The following PDZRN3 variants were observed in gnomAD, a reference collection of about 807,000 sequenced individuals.
PDZRN3 encodes E3 ubiquitin-protein ligase PDZRN3.
A neutral mutation model predicts 85.7 loss-of-function variants in PDZRN3; 38 were observed. The observed-to-expected ratio is 0.44, with a 90% CI of 0.34 to 0.58. The LOEUF is 0.58. PDZRN3 is among the 20% of genes least tolerant of loss of function. The pLI, the probability that PDZRN3 is intolerant of heterozygous loss-of-function variation, is 0.01. For missense variants in PDZRN3, 1,629 were observed against 1,506.4 expected, an observed-to-expected ratio of 1.08 and a Z score of -1.35; for synonymous variants, 759 against 638.0, an observed-to-expected ratio of 1.19 and a Z score of -2.86.
intron 3 of PDZRN3, among the ~76,000 whole-genome samples, chr3:73,420,672 A>G (rs1476613102): frequency 6.6e-6 from 1 of 152,072 alleles, no homozygotes. Context: ...GAGACTTTCA[A>G]CCCATAAAGA....
At chr3:73,493,030 C>G (rs1015260718) in intron 3 of PDZRN3, among the ~76,000 whole-genome samples, 3 of 114,290 alleles carry the variant, frequency 2.6e-5, no homozygotes, top group Admixed American at 1.2e-4. Flanking sequence ...GGAGACTCTT[C>G]CCTTATGTGA....
chr3:73,570,974 A>C (rs1336474117), intron 3 of PDZRN3, among the ~76,000 whole-genome samples: 1 of 152,194 alleles, frequency 6.6e-6, no homozygotes, highest in Non-Finnish European at 1.5e-5. Flanking sequence ...GCACAAGATA[A>C]AGAGAAGAGA....
chr3:73,582,503 T>A (rs940129113), intron 3 of PDZRN3, among the ~76,000 whole-genome samples: 5 of 151,452 alleles, frequency 3.3e-5, no homozygotes, highest in South Asian at 4.2e-4. Context: ...AATGTATATT[T>A]TATATATATA....
chr3:73,557,325 G>T (rs909109503), intron 3 of PDZRN3, among the ~76,000 whole-genome samples: 1 of 152,206 alleles, frequency 6.6e-6, no homozygotes, highest in African/African-American at 2.4e-5. Flanking sequence ...TCTGTGGGGT[G>T]TGTCATATTA....
At chr3:73,495,720 C>A (rs959667179) in intron 3 of PDZRN3, among the ~76,000 whole-genome samples, 1 of 138,638 alleles carries the variant, frequency 7.2e-6, no homozygotes, top group Non-Finnish European at 1.7e-5. Context: ...GCTCACGTTT[C>A]CAGTGTTATA....
At chr3:73,443,592 C>T (rs907191958) in intron 3 of PDZRN3, among the ~76,000 whole-genome samples, 4 of 149,304 alleles carry the variant, frequency 2.7e-5, no homozygotes, top group African/African-American at 1.0e-4. Context: ...CTCAAGCTAT[C>T]CTCCTGCCTC....
At position 73,530,106 on chromosome 3, in the gene PDZRN3, G is replaced by A. The variant is rs149872838; in HGVS notation, c.918+72248C>T. On this transcript the variant is annotated intron_variant, in intron 3 of 9. Coordinates refer to ENST00000263666, the MANE Select transcript of PDZRN3 (RefSeq NM_015009.3). ...AACCATTACGAAAGCCCAGTGCAAA[G>A]CCACAGAACAAAAATTCCCATCGCA... Among the ~76,000 whole-genome samples the A allele has an allele frequency of 6.7e-4, 102 of 152,218 alleles. 1 individual carries two copies. Among genetic ancestry groups the A allele is most frequent in the African/African-American group, 2.4e-3 (98 of 41,546 alleles).
chr3:73,542,947 C>T (rs1383342944), intron 3 of PDZRN3, among the ~76,000 whole-genome samples: 1 of 152,172 alleles, frequency 6.6e-6, no homozygotes, highest in Admixed American at 6.5e-5. Flanking sequence ...GAGTTTGCCA[C>T]AGCAAAAGAT....
At chr3:73,501,125 G>C (rs888006287) in intron 3 of PDZRN3, among the ~76,000 whole-genome samples, 1 of 152,132 alleles carries the variant, frequency 6.6e-6, no homozygotes, top group Non-Finnish European at 1.5e-5. Context: ...ATAAACTCTT[G>C]CTAACATTTG....
intron 3 of PDZRN3, among the ~76,000 whole-genome samples, chr3:73,589,077 T>A (rs564186388): frequency 6.6e-6 from 1 of 151,258 alleles, no homozygotes; most frequent in African/African-American, 2.4e-5. Context: ...AGACAGAGTC[T>A]CGTTCTGTCC....
At chr3:73,563,011 A>ATTTTT (rs1559739770) in intron 3 of PDZRN3, among the ~76,000 whole-genome samples, 1 of 38,214 alleles carries the variant, frequency 2.6e-5, no homozygotes, top group African/African-American at 1.3e-4. Context: ...ATATATATAT[A>ATTTTT]TATTTTTTTT....
intron 3 of PDZRN3, among the ~76,000 whole-genome samples, chr3:73,422,375 G>T (rs1048950297): frequency 6.6e-6 from 1 of 152,092 alleles, no homozygotes; most frequent in Admixed American, 6.5e-5. Context: ...AATAATAACT[G>T]TATCTATACT....
At chr3:73,547,681 G>A (rs931610088) in intron 3 of PDZRN3, among the ~76,000 whole-genome samples, 9 of 152,220 alleles carry the variant, frequency 5.9e-5, no homozygotes, top group Non-Finnish European at 8.8e-5. Flanking sequence ...TCACTGTCAC[G>A]TGGGGTGTAA....
chr3:73,452,839 C>CTGTGTGTGTGTGTGTGTGTGTGTG lies in PDZRN3; in HGVS notation c.919-48468_919-48445dup, dbSNP rs35308043. Among the ~76,000 whole-genome samples the CTGTGTGTGTGTGTGTGTGTGTGTG allele has an allele frequency of 6.8e-3, 960 of 140,670 alleles. 6 individuals carry two copies. Among genetic ancestry groups the CTGTGTGTGTGTGTGTGTGTGTGTG allele is most frequent in the African/African-American group, 0.021 (791 of 37,332 alleles). 92.3% of individuals were successfully genotyped at this position (140,670 alleles called of 152,430 possible). A position where few individuals can be genotyped will look rare whatever the true frequency, so the allele number is the denominator to read the frequency against. ...GCCAATTCTCTAACGGTCCATATATCTGTGTGTGTGTGTGTGTGTGTGTGT... is the reference window on the plus strand; with the variant it reads ...GCCAATTCTCTAACGGTCCATATATCTGTGTGTGTGTGTGTGTGTGTGTGTGTGTGTGTGTGTGTGTGTGTGTGT... On this transcript the variant is annotated intron_variant, in intron 3 of 9. Coordinates refer to ENST00000263666, the MANE Select transcript of PDZRN3 (RefSeq NM_015009.3).
At chr3:73,387,693 T>TCAG (rs1701425991) in intron 8 of PDZRN3, among the ~76,000 whole-genome samples, 1 of 152,182 alleles carries the variant, frequency 6.6e-6, no homozygotes, top group Non-Finnish European at 1.5e-5. Context: ...ACCCCGGTTG[T>TCAG]GTTTTCCATT....
intron 3 of PDZRN3, among the ~76,000 whole-genome samples, chr3:73,552,341 A>T (rs963789766): frequency 2.0e-5 from 3 of 151,804 alleles, no homozygotes; most frequent in Middle Eastern, 3.2e-3. Flanking sequence ...TAACTTTCTC[A>T]CCACTCAAAA....
In PDZRN3 at chr3:73,520,307, G is replaced by A. The variant is rs185751061; in HGVS notation, c.918+82047C>T. Among the ~76,000 whole-genome samples, 395 of 152,164 alleles carry A rather than the reference G, an allele frequency of 2.6e-3. 3 individuals carry two copies. The highest frequency in any genetic ancestry group is 4.8e-3 in the Non-Finnish European group (328 of 68,012). On this transcript the variant is annotated intron_variant, in intron 3 of 9. Coordinates refer to ENST00000263666, the MANE Select transcript of PDZRN3 (RefSeq NM_015009.3). ...GCTGTTTGATCCCAGAAGTTCAAGA[G>A]GAGCCTGGGCAACATGGTGAGGCCT...
Position 73,624,816 on chromosome 3 carries a change from C to T in PDZRN3, c.10G>A (p.Glu4Lys). The change falls in exon 1 of 10, where the codon GAG becomes AAG. Residue 4 changes from glutamate to lysine, a missense_variant. Glu to Lys is a moderately conservative substitution (Grantham distance 56). Coordinates refer to ENST00000263666, the MANE Select transcript of PDZRN3 (RefSeq NM_015009.3). Reference sequence around the variant, plus strand: ...ACGTCGCCGTCGAAGCGGTCCAGCTCGAAGCCCATGGTGGCGGCCAGGCCC... The same window carrying T: ...ACGTCGCCGTCGAAGCGGTCCAGCTTGAAGCCCATGGTGGCGGCCAGGCCC... MGF[E>K]LDRFDGDVDP... is the part of the protein sequence containing the mutation. 1 of 1,349,120 alleles carries T rather than the reference C, an allele frequency of 7.4e-7. No individual in the cohort carries two copies. The allele number at this position is 1,349,120 out of a possible 1,614,324, so 83.6% of individuals were successfully genotyped here.
intron 3 of PDZRN3, among the ~76,000 whole-genome samples, chr3:73,561,970 G>A (rs1262515072): frequency 6.6e-6 from 1 of 150,406 alleles, no homozygotes; most frequent in East Asian, 1.9e-4. Context: ...ATTCATGTGA[G>A]CTTCCTGAAT....
Sources: gnomAD v4.1 joint callset for allele counts (sites outside exome capture counted in the v4.1 genomes callset) on GRCh38, gnomAD v4.1.1 for gene constraint, MANE v1.5 for transcripts, NCBI Gene and HGNC (gene_info 2026-07-23, HGNC 2026-07-21) for gene names.